Variants in OXR1 observed in about 807,000 individuals in gnomAD.
OXR1 encodes oxidation resistance 1, also known as oxidation resistance protein 1.
Under a neutral mutation model 104.6 loss-of-function variants are expected in OXR1, and 41 were observed. The ratio of observed to expected loss-of-function variants is 0.39; its 90% CI spans 0.31 to 0.51. OXR1 has a LOEUF of 0.51. Among genes scored for constraint, OXR1 ranks in the 20% least tolerant of loss-of-function variants. The probability of loss-of-function intolerance (pLI) is 0.77; values close to 1 mark genes in which losing one functional copy is unlikely to be tolerated. For missense variants in OXR1, 955 were observed against 1,031.9 expected, an observed-to-expected ratio of 0.93 and a Z score of 1.02; for synonymous variants, 348 against 348.4, an observed-to-expected ratio of 1.00 and a Z score of 0.01.
At chr8:106,592,225 G>C (rs1052212040) in intron 3 of OXR1, among the ~76,000 whole-genome samples, 2 of 152,142 alleles carry the variant, frequency 1.3e-5, no homozygotes, top group African/African-American at 4.8e-5. Flanking sequence ...TGAAAATCAA[G>C]ATCTTTGCAC....
chr8:106,412,014 C>T (rs1296804276), intron 2 of OXR1, among the ~76,000 whole-genome samples: 1 of 152,122 alleles, frequency 6.6e-6, no homozygotes, highest in African/African-American at 2.4e-5. Flanking sequence ...GAGAGAAAAG[C>T]AGAACCTACT....
At chr8:106,322,694 G>A (rs1814277217) in intron 1 of OXR1, among the ~76,000 whole-genome samples, 1 of 152,100 alleles carries the variant, frequency 6.6e-6, no homozygotes, top group Admixed American at 6.5e-5. Context: ...AAGTTGCGGA[G>A]TACAAAATCA....
chr8:106,323,393 T>C lies in OXR1; in HGVS notation c.-138-36083T>C, dbSNP rs1814314464. 2.6e-5 allele frequency among the ~76,000 whole-genome samples: 4 copies of C among 152,050 alleles called. No individual in the cohort carries two copies. The South Asian group carries it at 8.3e-4, about 31-fold the overall frequency. On this transcript the variant is annotated intron_variant, in intron 1 of 16. Transcript: ENST00000517566. ...ATTCAAGTTGGATTAAAGACTTAAA[T>C]ATAAAACCCAAAACCCTGGAAGACA...
chr8:106,292,780 C>T (rs981923821), intron 1 of OXR1, among the ~76,000 whole-genome samples: 2 of 152,142 alleles, frequency 1.3e-5, no homozygotes, highest in Non-Finnish European at 1.5e-5. Flanking sequence ...GGAAAGGGAA[C>T]TGAGAAGGAG....
intron 3 of OXR1, among the ~76,000 whole-genome samples, chr8:106,660,533 T>C (rs1825655208): frequency 6.6e-6 from 1 of 152,200 alleles, no homozygotes; most frequent in African/African-American, 2.4e-5. Flanking sequence ...AACCCTTTGT[T>C]GTTAGTGATC....
intron 3 of OXR1, among the ~76,000 whole-genome samples, chr8:106,567,961 C>T (rs1189801870): frequency 2.6e-5 from 4 of 152,104 alleles, no homozygotes; most frequent in East Asian, 3.9e-4. Context: ...TATAATCATT[C>T]CTCTTTAGTA....
chr8:106,603,194 T>G (rs1820102708), intron 3 of OXR1, among the ~76,000 whole-genome samples: 1 of 152,148 alleles, frequency 6.6e-6, no homozygotes, highest in Non-Finnish European at 1.5e-5. Context: ...ATGACTGGAG[T>G]CAGGTCCTGT....
intron 2 of OXR1, among the ~76,000 whole-genome samples, chr8:106,369,430 T>C (rs748532158): frequency 2.6e-5 from 4 of 152,256 alleles, no homozygotes; most frequent in Non-Finnish European, 5.9e-5. Context: ...TTTTGGCTTT[T>C]GTTGCAATTG....
intron 2 of OXR1, among the ~76,000 whole-genome samples, chr8:106,513,045 G>A (rs1812639750): frequency 6.6e-6 from 1 of 152,076 alleles, no homozygotes. Context: ...TACTCAAAAA[G>A]TGATTTAGAA....
intron 1 of OXR1, among the ~76,000 whole-genome samples, chr8:106,355,906 C>G (rs186738607): frequency 6.6e-6 from 1 of 151,780 alleles, no homozygotes; most frequent in South Asian, 2.1e-4. Context: ...AAAACAATAC[C>G]CTGTCAAAGA....
intron 2 of OXR1, among the ~76,000 whole-genome samples, chr8:106,415,116 G>C (rs1818617604): frequency 6.6e-6 from 1 of 152,032 alleles, no homozygotes; most frequent in African/African-American, 2.4e-5. Context: ...TCTTTTTGGA[G>C]CCGACTTCAC....
intron 1 of OXR1, among the ~76,000 whole-genome samples, chr8:106,313,790 A>T (rs1310843900): frequency 6.6e-6 from 1 of 152,184 alleles, no homozygotes; most frequent in African/African-American, 2.4e-5. Flanking sequence ...TCACTGCCAT[A>T]TGCTGTTCTC....
At chr8:106,635,714 T>A (rs906891086) in intron 3 of OXR1, among the ~76,000 whole-genome samples, 1 of 152,106 alleles carries the variant, frequency 6.6e-6, no homozygotes, top group African/African-American at 2.4e-5. Context: ...TCCAAAAGTA[T>A]TGGGATTACA....
chr8:106,667,197 G>T (rs1826429121), intron 3 of OXR1, among the ~76,000 whole-genome samples: 2 of 151,910 alleles, frequency 1.3e-5, no homozygotes, highest in South Asian at 4.2e-4. Context: ...TATAATCAAA[G>T]ATTTGATCTT....
chr8:106,525,680 C>T (rs1037101701), intron 3 of OXR1, among the ~76,000 whole-genome samples: 2 of 152,222 alleles, frequency 1.3e-5, no homozygotes, highest in East Asian at 1.9e-4. Flanking sequence ...AGGGGGGCTC[C>T]TCGGCTAACA....
intron 12 of OXR1, 57 bp downstream of exon 12, chr8:106,737,657 G>T: frequency 1.6e-6 from 1 of 610,726 alleles, no homozygotes; most frequent in Non-Finnish European, 2.5e-6. Context: ...TGTTTTTAGT[G>T]TTCTTTGTCA....
intron 3 of OXR1, among the ~76,000 whole-genome samples, chr8:106,552,987 C>T (rs572322801): frequency 2.0e-5 from 3 of 152,024 alleles, no homozygotes; most frequent in South Asian, 4.1e-4. Flanking sequence ...CTTTTATTCC[C>T]CTCACACTGA....
chr8:106,740,643 T>G (rs1463390899), intron 14 of OXR1, 148 bp downstream of exon 14: 2 of 655,886 alleles, frequency 3.0e-6, no homozygotes, highest in African/African-American at 1.8e-5. Context: ...AAGGCAATGT[T>G]GAGTATTACA....
intron 2 of OXR1, chr8:106,447,980 G>T (rs1173154685): frequency 6.5e-7 from 1 of 1,534,764 alleles, no homozygotes; most frequent in South Asian, 1.2e-5. Context: ...GATCCGCCCC[G>T]GCTCCCACAC....
Sources: gnomAD v4.1 joint callset for allele counts (sites outside exome capture counted in the v4.1 genomes callset) on GRCh38, gnomAD v4.1.1 for gene constraint, MANE v1.5 for transcripts, NCBI Gene and HGNC (gene_info 2026-07-23, HGNC 2026-07-21) for gene names.